The following ZFYVE28 variants were observed in gnomAD, a reference collection of about 807,000 sequenced individuals.
The protein encoded by ZFYVE28 is zinc finger FYVE-type containing 28.
Under a neutral mutation model 82.1 loss-of-function variants are expected in ZFYVE28, and 40 were observed. The ratio of observed to expected loss-of-function variants is 0.49; its 90% CI spans 0.38 to 0.63. The LOEUF is 0.63. Among genes scored for constraint, ZFYVE28 ranks in the 30% least tolerant of loss-of-function variants. ZFYVE28 has a pLI of 0.00. For synonymous variants in ZFYVE28, 612 were observed against 546.1 expected (o/e 1.12, Z -1.68); for missense variants, 1,321 against 1,242.1 (o/e 1.06, Z -0.96).
Position 2,305,400 on chromosome 4 carries a change from G to C in ZFYVE28, c.940C>G (p.Leu314Val), listed in dbSNP as rs1265101570. ...GCTGAGAGTGGCCCCTCAGGGGGGA[G>C]AGGGGCAGAGAGGGCAGGCGCCAGG... ...AALAPALSAPLPPEGPLSAKA... is the reference protein window; with the variant it reads ...AALAPALSAPVPPEGPLSAKA... Residue 314 changes from leucine to valine, a missense_variant, in exon 8 of 13, where the codon CTC becomes GTC. Coordinates refer to ENST00000290974, the MANE Select transcript of ZFYVE28 (RefSeq NM_020972.3). 6.2e-6 allele frequency: 10 copies of C among 1,612,646 alleles called. No individual in the cohort carries two copies. In the Admixed American group the frequency reaches 1.5e-4, roughly 24 times the overall value.
At chr4:2,346,594 C>A (rs570856685) in intron 2 of ZFYVE28, among the ~76,000 whole-genome samples, 1 of 152,036 alleles carries the variant, frequency 6.6e-6, no homozygotes, top group Non-Finnish European at 1.5e-5. Flanking sequence ...TGTATGGCAA[C>A]AATAGCACAA....
At chr4:2,326,001 A>G (rs140512634) in intron 6 of ZFYVE28, among the ~76,000 whole-genome samples, 29 of 152,156 alleles carry the variant, frequency 1.9e-4, no homozygotes, top group African/African-American at 6.7e-4. Context: ...TTTTCTCCCA[A>G]TCCATAGGTT....
intron 6 of ZFYVE28, among the ~76,000 whole-genome samples, chr4:2,333,069 A>T (rs1720970294): frequency 6.8e-6 from 1 of 147,018 alleles, no homozygotes; most frequent in Admixed American, 6.8e-5. Context: ...AGGCTCTCCC[A>T]CTGTCCTGAG....
intron 7 of ZFYVE28, among the ~76,000 whole-genome samples, chr4:2,318,695 T>G (rs908575248): frequency 1.4e-4 from 21 of 152,010 alleles, no homozygotes; most frequent in African/African-American, 5.1e-4. Context: ...TACCCATGGG[T>G]GAGGTTCCCA....
At chr4:2,352,590 A>T (rs1040637938) in intron 2 of ZFYVE28, among the ~76,000 whole-genome samples, 3 of 152,004 alleles carry the variant, frequency 2.0e-5, no homozygotes, top group African/African-American at 7.2e-5. Context: ...CCCCAGCAGC[A>T]AGGAGAAGAA....
In ZFYVE28 at chr4:2,320,392, A is replaced by C; in HGVS notation, c.702-121T>G. On this transcript the variant is annotated intron_variant, in intron 6 of 12. Coordinates refer to ENST00000290974, the MANE Select transcript of ZFYVE28 (RefSeq NM_020972.3). This position sits in a 1 kb window ranked among gnomAD's most constrained non-coding sequence, Gnocchi z 5.1. ...TGGGACTCTGCAGCGCCACTGTCCC[A>C]GCACGGCCGCCGCCTCATGCTTTGC... 1 of 739,584 alleles carries C rather than the reference A, an allele frequency of 1.4e-6. No homozygotes were observed. 45.8% of individuals were successfully genotyped at this position (739,584 alleles called of 1,614,324 possible). A position where few individuals can be genotyped will look rare whatever the true frequency, so the allele number is the denominator to read the frequency against.
chr4:2,346,273 C>G (rs541352258), intron 2 of ZFYVE28, among the ~76,000 whole-genome samples: 1 of 147,942 alleles, frequency 6.8e-6, no homozygotes, highest in Non-Finnish European at 1.5e-5. Context: ...ACCCGGGAGG[C>G]AGAGCTAGCA....
At chr4:2,317,395 A>G (rs1198434007) in intron 7 of ZFYVE28, among the ~76,000 whole-genome samples, 1 of 152,224 alleles carries the variant, frequency 6.6e-6, no homozygotes, top group Non-Finnish European at 1.5e-5. Flanking sequence ...TTTCTCTGTT[A>G]GGCTGACCGC....
chr4:2,353,963 C>G lies in ZFYVE28; in HGVS notation c.150G>C (p.Thr50=). 1 of 1,567,804 alleles carries G rather than the reference C, an allele frequency of 6.4e-7. No individual in the cohort carries two copies. Among genetic ancestry groups the G allele is most frequent in the Non-Finnish European group, 8.6e-7 (1 of 1,157,100 alleles). ...AGGAGCGGAACTGGCTGACCAGCAG[C>G]GTGCACCGCTGGGGGTCCTTCCGCC... is the stretch of plus-strand genomic sequence containing the variant. ...LDGRKDPQRC[T]LLVSQFRSCQ... Residue 50 remains threonine, a synonymous_variant, in exon 2 of 13, where the codon ACG becomes ACC. Transcript: ENST00000290974.
At chr4:2,363,748 T>C (rs1726482419) in intron 1 of ZFYVE28, among the ~76,000 whole-genome samples, 1 of 152,180 alleles carries the variant, frequency 6.6e-6, no homozygotes, top group South Asian at 2.1e-4. Flanking sequence ...GCTATGACGA[T>C]CTTTGCTGTT....
At chr4:2,302,023 G>T (rs576324628) in intron 8 of ZFYVE28, among the ~76,000 whole-genome samples, 4 of 152,334 alleles carry the variant, frequency 2.6e-5, no homozygotes, top group Admixed American at 2.6e-4. Context: ...GCCCTGCCCC[G>T]CAGTGAAGGG....
chr4:2,271,526 C>A, intron 11 of ZFYVE28, 112 bp from the exon 12 acceptor site: 1 of 1,432,732 alleles, frequency 7.0e-7, no homozygotes, highest in South Asian at 1.2e-5. Context: ...CGCCTGGCCT[C>A]CAGCCAGCCT....
intron 1 of ZFYVE28, among the ~76,000 whole-genome samples, chr4:2,374,449 A>T (rs942423023): frequency 2.0e-5 from 3 of 150,722 alleles, no homozygotes; most frequent in South Asian, 4.2e-4. Context: ...TCATCTCTAT[A>T]AAAAAAAACA....
chr4:2,397,024 G>C (rs1183433444), intron 1 of ZFYVE28, among the ~76,000 whole-genome samples: 1 of 152,214 alleles, frequency 6.6e-6, no homozygotes, highest in Non-Finnish European at 1.5e-5. Flanking sequence ...CCGGCTCAGG[G>C]GCGACTGCCA....
Position 2,370,899 on chromosome 4 carries a change from C to T in ZFYVE28, c.40-16826G>A, listed in dbSNP as rs17132493. 4.7e-3 allele frequency among the ~76,000 whole-genome samples: 711 copies of T among 152,328 alleles called. 4 individuals carry two copies. The highest frequency in any genetic ancestry group is 0.016 in the African/African-American group (680 of 41,568). On this transcript the variant is annotated intron_variant, in intron 1 of 12. Transcript: ENST00000290974. ...ACGTCCATGTGGGTCACGTGTGTCT[C>T]GGATCTTCCTGTGTAATGCAGCATT...
intron 7 of ZFYVE28, among the ~76,000 whole-genome samples, chr4:2,317,404 G>A (rs1046978860): frequency 6.6e-6 from 1 of 152,174 alleles, no homozygotes; most frequent in Non-Finnish European, 1.5e-5. Context: ...TAGGCTGACC[G>A]CATGAGGTCC....
At chr4:2,324,240 G>A (rs1719538634) in intron 6 of ZFYVE28, among the ~76,000 whole-genome samples, 1 of 152,168 alleles carries the variant, frequency 6.6e-6, no homozygotes, top group African/African-American at 2.4e-5. Flanking sequence ...GCGGATCTCA[G>A]TCTATTTCTC....
chr4:2,355,719 A>T (rs1001461899), intron 1 of ZFYVE28, among the ~76,000 whole-genome samples: 2 of 152,176 alleles, frequency 1.3e-5, no homozygotes, highest in Non-Finnish European at 2.9e-5. Context: ...CTGAGACTAT[A>T]GGCACACATC....
At chr4:2,294,932 A>T (rs921789768) in intron 8 of ZFYVE28, among the ~76,000 whole-genome samples, 3 of 151,432 alleles carry the variant, frequency 2.0e-5, no homozygotes, top group African/African-American at 4.9e-5. Flanking sequence ...CCTGGGCAAC[A>T]TAGCGAGACC....
Sources: allele counts gnomAD v4.1 joint callset (sites outside exome capture counted in the v4.1 genomes callset), GRCh38; gene constraint gnomAD v4.1.1; non-coding constraint Gnocchi (gnomAD v3.1); transcripts MANE v1.5; gene names NCBI Gene and HGNC (gene_info 2026-07-23, HGNC 2026-07-21).